Variants in PPP3CB observed in about 807,000 individuals in gnomAD.
The protein encoded by PPP3CB is protein phosphatase 3 catalytic subunit beta.
A neutral mutation model predicts 66.4 loss-of-function variants in PPP3CB; 8 were observed. The observed-to-expected ratio is 0.12, with a 90% CI of 0.07 to 0.22. PPP3CB has a LOEUF of 0.22. Ranked by LOEUF, PPP3CB falls within the 10% of genes least tolerant of loss-of-function variation. PPP3CB has a pLI of 1.00. For synonymous variants in PPP3CB, 208 were observed against 221.2 expected, an observed-to-expected ratio of 0.94 and a Z score of 0.53; for missense variants, 319 against 642.5, an observed-to-expected ratio of 0.50 and a Z score of 5.44.
chr10:73,478,021 A>C (rs1280238729), intron 3 of PPP3CB, among the ~76,000 whole-genome samples: 8 of 152,314 alleles, frequency 5.3e-5, no homozygotes, highest in Admixed American at 3.9e-4. Context: ...AAAACAAATT[A>C]ATACTTTCCA....
chr10:73,472,426 G>A (rs2056716722), intron 4 of PPP3CB, among the ~76,000 whole-genome samples: 1 of 151,842 alleles, frequency 6.6e-6, no homozygotes, highest in Non-Finnish European at 1.5e-5. Context: ...CCCAGGAGGT[G>A]GAGGCTGCAG....
chr10:73,466,400 A>G (rs2056618350), intron 9 of PPP3CB, among the ~76,000 whole-genome samples: 2 of 152,138 alleles, frequency 1.3e-5, no homozygotes, highest in Admixed American at 6.5e-5. Context: ...CATCCTTCCC[A>G]TATTACATTA....
At chr10:73,448,578 A>G in intron 10 of PPP3CB, 1 of 529,212 alleles carries the variant, frequency 1.9e-6, no homozygotes, top group South Asian at 1.4e-5. Flanking sequence ...CATAGACATT[A>G]CTCAATGAAT....
At chr10:73,444,610 A>C (rs780199671) in intron 12 of PPP3CB, 115 bp downstream of exon 12, 1 of 1,556,730 alleles carries the variant, frequency 6.4e-7, no homozygotes, top group South Asian at 1.2e-5. Flanking sequence ...TCAGCTGCTG[A>C]GACAGGAACT....
At position 73,454,443 on chromosome 10, in the gene PPP3CB, T is replaced by C; in HGVS notation, c.1155A>G (p.Glu385=). ...VNVLSICSDD[E]LMTEGEDQFD... is the part of the protein sequence containing the mutation. The stretch of plus-strand genomic sequence containing the variant: ...ACTGGTCTTCACCTTCAGTCATTAG[T>C]TCATCATCAGAGCAAATACTCAGAA... Residue 385 remains glutamate (E), a synonymous_variant, in exon 10 of 14, where the codon GAA becomes GAG. Coordinates refer to ENST00000360663, the MANE Select transcript of PPP3CB (RefSeq NM_021132.4). The C allele has an allele frequency of 6.2e-7, 1 of 1,612,350 alleles. No homozygotes were observed. Among genetic ancestry groups the C allele is most frequent in the Non-Finnish European group, 8.5e-7 (1 of 1,178,948 alleles).
At chr10:73,452,839 C>T (rs2056368631) in intron 10 of PPP3CB, among the ~76,000 whole-genome samples, 2 of 152,146 alleles carry the variant, frequency 1.3e-5, no homozygotes, top group South Asian at 4.1e-4. Context: ...CACATCTCTG[C>T]CTACCACTAA....
At chr10:73,454,876 C>CT (rs542229717) in intron 9 of PPP3CB, among the ~76,000 whole-genome samples, 154 of 143,892 alleles carry the variant, frequency 1.1e-3, no homozygotes, top group Middle Eastern at 3.6e-3. Flanking sequence ...AGGATTTAAT[C>CT]TTTTTTTTTT....
At chr10:73,483,638 C>A (rs2056920491) in intron 1 of PPP3CB, among the ~76,000 whole-genome samples, 1 of 151,860 alleles carries the variant, frequency 6.6e-6, no homozygotes, top group Non-Finnish European at 1.5e-5. Flanking sequence ...GCCTGGGAGA[C>A]AGAGCAAGAC....
chr10:73,462,629 G>A (rs2056541322), intron 9 of PPP3CB, among the ~76,000 whole-genome samples: 1 of 151,934 alleles, frequency 6.6e-6, no homozygotes, highest in African/African-American at 2.4e-5. Context: ...AGGAAGAGAG[G>A]TAAAAAGGGA....
At chr10:73,495,724 C>T in intron 1 of PPP3CB, 81 bp downstream of exon 1, 1 of 1,504,774 alleles carries the variant, frequency 6.6e-7, no homozygotes, top group Non-Finnish European at 8.9e-7. Context: ...CGGGCCCACT[C>T]CCGAGGGGAC....
intron 1 of PPP3CB, among the ~76,000 whole-genome samples, chr10:73,480,513 C>T (rs1450930849): frequency 2.1e-5 from 3 of 146,210 alleles, no homozygotes; most frequent in Admixed American, 7.0e-5. Context: ...GGCGTGAACT[C>T]GGCTCACTGC....
At chr10:73,479,563 T>C (rs1178650668) in intron 1 of PPP3CB, 46 bp from the exon 2 acceptor site, 34 of 1,550,228 alleles carry the variant, frequency 2.2e-5, no homozygotes, top group Non-Finnish European at 2.6e-5. Flanking sequence ...CAAAAATACA[T>C]TAACTTAAAA....
intron 12 of PPP3CB, among the ~76,000 whole-genome samples, chr10:73,443,059 C>T (rs1444720107): frequency 6.6e-6 from 1 of 151,206 alleles, no homozygotes; most frequent in Non-Finnish European, 1.5e-5. Context: ...AATTAGCTGG[C>T]TGTGGTGGCA....
intron 1 of PPP3CB, among the ~76,000 whole-genome samples, chr10:73,492,796 C>A (rs928960031): frequency 7.2e-5 from 11 of 152,238 alleles, no homozygotes; most frequent in African/African-American, 2.6e-4. Flanking sequence ...ATTTTAGTGA[C>A]AAGCTCATCA....
intron 9 of PPP3CB, 83 bp downstream of exon 9, chr10:73,467,470 T>C (rs1275986590): frequency 1.7e-6 from 2 of 1,161,902 alleles, no homozygotes; most frequent in African/African-American, 3.2e-5. Flanking sequence ...TTGGTTTCCT[T>C]TAGCAAGTAT....
intron 12 of PPP3CB, among the ~76,000 whole-genome samples, chr10:73,440,133 C>T (rs930605988): frequency 3.9e-5 from 6 of 152,176 alleles, no homozygotes; most frequent in Non-Finnish European, 7.4e-5. Context: ...GAGCACAGAA[C>T]ACATAAACCT....
intron 1 of PPP3CB, among the ~76,000 whole-genome samples, chr10:73,490,003 ATTAT>A (rs745887667): frequency 1.3e-5 from 2 of 152,138 alleles, no homozygotes; most frequent in African/African-American, 2.4e-5. Context: ...AATTCATTAC[ATTAT>A]TTATTTATAA....
At chr10:73,473,790 T>A (rs140122679) in intron 4 of PPP3CB, among the ~76,000 whole-genome samples, 2 of 152,110 alleles carry the variant, frequency 1.3e-5, no homozygotes, top group African/African-American at 2.4e-5. Context: ...AGAAAAGGGA[T>A]AAACATTGCA....
At chr10:73,457,929 A>T (rs1468179404) in intron 9 of PPP3CB, among the ~76,000 whole-genome samples, 1 of 152,122 alleles carries the variant, frequency 6.6e-6, no homozygotes, top group Non-Finnish European at 1.5e-5. Flanking sequence ...ATATATGTAC[A>T]TGGAGGTAGA....
Sources: allele counts gnomAD v4.1 joint callset (sites outside exome capture counted in the v4.1 genomes callset), GRCh38; gene constraint gnomAD v4.1.1; transcripts MANE v1.5; gene names NCBI Gene and HGNC (gene_info 2026-07-23, HGNC 2026-07-21).